Variants in KIAA1217 observed in about 807,000 individuals in gnomAD.
KIAA1217 encodes the protein KIAA1217.
Under a neutral mutation model 163.9 loss-of-function variants are expected in KIAA1217, and 88 were observed. The observed-to-expected ratio is 0.54, with a 90% CI of 0.45 to 0.64. KIAA1217 has a LOEUF of 0.64. Among genes scored for constraint, KIAA1217 ranks in the 30% least tolerant of loss-of-function variants. The pLI, the probability that KIAA1217 is intolerant of heterozygous loss-of-function variation, is 0.00. For synonymous variants in KIAA1217, 903 were observed against 923.1 expected (o/e 0.98, Z 0.39); for missense variants, 2,372 against 2,475.0 (o/e 0.96, Z 0.88).
At chr10:23,730,781 A>G (rs1333056608) in intron 1 of KIAA1217, among the ~76,000 whole-genome samples, 1 of 143,264 alleles carries the variant, frequency 7.0e-6, no homozygotes, top group Non-Finnish European at 1.5e-5. Context: ...TTTTAATCTC[A>G]AATTCTTTCT....
rs139262313 is a variant in KIAA1217, at chr10:24,189,478, A to G, written c.-170-30148A>G. On this transcript the variant is annotated intron_variant, in intron 2 of 18. Transcript: ENST00000376462. ...TTTTCTATCCCTTATCTTCCCCCCA[A>G]ACACACATGTGCACACACTTTTACC... 7.1e-3 allele frequency among the ~76,000 whole-genome samples: 1,075 copies of G among 152,282 alleles called. 9 individuals are homozygous for G. The highest frequency in any genetic ancestry group is 0.014 in the Middle Eastern group (4 of 294).
rs529811040 is a variant in KIAA1217, at chr10:23,766,134, C to A, written c.-321+70900C>A. On this transcript the variant is annotated intron_variant, in intron 1 of 18. Coordinates refer to the KIAA1217 transcript ENST00000376462. Reference sequence around the variant, plus strand: ...TCTCTAGGAGGTTTGCCTCAGATGACAAGTTGAAACTCATGTGTTCTAAAA... The same window carrying A: ...TCTCTAGGAGGTTTGCCTCAGATGAAAAGTTGAAACTCATGTGTTCTAAAA... 2.6e-5 allele frequency among the ~76,000 whole-genome samples: 4 copies of A among 152,310 alleles called. No homozygotes were observed. In the East Asian group the frequency reaches 5.8e-4, roughly 22 times the overall value.
chr10:23,783,424 G>A (rs1172334749), intron 1 of KIAA1217, among the ~76,000 whole-genome samples: 1 of 152,076 alleles, frequency 6.6e-6, no homozygotes, highest in Non-Finnish European at 1.5e-5. Flanking sequence ...GCTGACTCAT[G>A]GTGTATAATA....
At chr10:23,788,279 T>G (rs1835585245) in intron 1 of KIAA1217, among the ~76,000 whole-genome samples, 1 of 152,190 alleles carries the variant, frequency 6.6e-6, no homozygotes, top group African/African-American at 2.4e-5. Context: ...TTCAATTTGT[T>G]GATAGCCCAG....
At chr10:23,811,734 A>G (rs971334098) in intron 1 of KIAA1217, among the ~76,000 whole-genome samples, 1 of 151,974 alleles carries the variant, frequency 6.6e-6, no homozygotes, top group African/African-American at 2.4e-5. Flanking sequence ...GAGACACTCA[A>G]GAGGTGGAAT....
chr10:24,015,845 C>T lies in KIAA1217; in HGVS notation c.-171+8471C>T, dbSNP rs181647184. Among the ~76,000 whole-genome samples the T allele has an allele frequency of 3.3e-5, 5 of 151,810 alleles. No individual in the cohort carries two copies. The East Asian group carries it at 9.7e-4, about 30-fold the overall frequency. On this transcript the variant is annotated intron_variant, in intron 2 of 18. Transcript: ENST00000376462. Reference sequence around the variant, plus strand: ...TTCCATTTTAAGACCAGAACCTAGTCCTAAGGCCACAAAGTAACTTCAAAG... The same window carrying T: ...TTCCATTTTAAGACCAGAACCTAGTTCTAAGGCCACAAAGTAACTTCAAAG...
At chr10:24,320,569 G>A (rs2044008095) in intron 2 of KIAA1217, among the ~76,000 whole-genome samples, 1 of 152,332 alleles carries the variant, frequency 6.6e-6, no homozygotes, top group South Asian at 2.1e-4. Context: ...TAGCACCACA[G>A]CACCTATCTA....
At chr10:23,833,016 A>T (rs1181914791) in intron 1 of KIAA1217, among the ~76,000 whole-genome samples, 2 of 152,080 alleles carry the variant, frequency 1.3e-5, no homozygotes, top group Non-Finnish European at 2.9e-5. Flanking sequence ...GGTCCCTCCC[A>T]CAAGACATGG....
At chr10:24,069,912 T>TCTGATTTGAACTA (rs1262305670) in intron 2 of KIAA1217, among the ~76,000 whole-genome samples, 1 of 152,176 alleles carries the variant, frequency 6.6e-6, no homozygotes, top group Non-Finnish European at 1.5e-5. Flanking sequence ...CAATCATAGC[T>TCTGATTTGAACTA]CACTACAGCT....
chr10:23,772,481 A>C (rs183382954), intron 1 of KIAA1217, among the ~76,000 whole-genome samples: 1 of 152,348 alleles, frequency 6.6e-6, no homozygotes, highest in African/African-American at 2.4e-5. Flanking sequence ...CAACAAAAAA[A>C]GATCAGCTAA....
chr10:24,094,772 C>T (rs961201418), intron 2 of KIAA1217, among the ~76,000 whole-genome samples: 5 of 152,326 alleles, frequency 3.3e-5, no homozygotes, highest in Admixed American at 1.3e-4. Flanking sequence ...AGCTGTCAGA[C>T]AGGGACACTT....
intron 1 of KIAA1217, among the ~76,000 whole-genome samples, chr10:23,746,152 A>G (rs954874799): frequency 6.6e-6 from 1 of 152,156 alleles, no homozygotes; most frequent in Non-Finnish European, 1.5e-5. Context: ...GTGCCATCCA[A>G]GCAGTAATGA....
chr10:23,806,932 T>G (rs1345728726), intron 1 of KIAA1217, among the ~76,000 whole-genome samples: 2 of 152,242 alleles, frequency 1.3e-5, no homozygotes, highest in Non-Finnish European at 2.9e-5. Flanking sequence ...CACAATATCT[T>G]GGCCCATTAG....
chr10:24,232,610 G>A (rs1047667409), intron 2 of KIAA1217, among the ~76,000 whole-genome samples: 5 of 152,128 alleles, frequency 3.3e-5, no homozygotes, highest in Non-Finnish European at 5.9e-5. Context: ...AATTTTCAGT[G>A]TTGAGGGATC....
rs1433795814 is a variant in KIAA1217 at position 24,542,566 on chromosome 10, T to G, written c.3535-127T>G. 1.4e-5 allele frequency: 21 copies of G among 1,525,298 alleles called. No individual in the cohort carries two copies. The South Asian group carries it at 1.9e-4, about 14-fold the overall frequency. The allele number at this position is 1,525,298 out of a possible 1,614,324, so 94.5% of individuals were successfully genotyped here. A position where few individuals can be genotyped will look rare whatever the true frequency, so the allele number is the denominator to read the frequency against. On this transcript the variant is annotated intron_variant, in intron 17 of 20. Coordinates refer to ENST00000376454, the MANE Select transcript of KIAA1217 (RefSeq NM_019590.5). ...AGGTAAACAGCTGTAGGCTTTGGAT[T>G]GGTGTGTAAGAAATATGCGTGGCCC...
At chr10:23,744,370 GT>G (rs1205653484) in intron 1 of KIAA1217, among the ~76,000 whole-genome samples, 1 of 152,090 alleles carries the variant, frequency 6.6e-6, no homozygotes, top group Non-Finnish European at 1.5e-5. Flanking sequence ...AGATGTGTAG[GT>G]TACCTCTAGA....
At chr10:24,335,333 C>G (rs1163960734) in intron 2 of KIAA1217, among the ~76,000 whole-genome samples, 2 of 150,716 alleles carry the variant, frequency 1.3e-5, no homozygotes, top group East Asian at 3.9e-4. Flanking sequence ...GCTCTGTCAC[C>G]CAGGCTGGGA....
intron 2 of KIAA1217, among the ~76,000 whole-genome samples, chr10:24,265,947 T>C (rs910218294): frequency 1.3e-5 from 2 of 152,088 alleles, no homozygotes; most frequent in Non-Finnish European, 2.9e-5. Context: ...ACTCTAGATT[T>C]CCCTTTAAAG....
intron 2 of KIAA1217, among the ~76,000 whole-genome samples, chr10:24,290,865 G>T (rs2079025734): frequency 6.6e-6 from 1 of 152,066 alleles, no homozygotes; most frequent in Non-Finnish European, 1.5e-5. Flanking sequence ...GCCTCCCAAA[G>T]TGCTGGGATT....
Sources: gnomAD v4.1 joint callset for allele counts (sites outside exome capture counted in the v4.1 genomes callset) on GRCh38, gnomAD v4.1.1 for gene constraint, MANE v1.5 for transcripts, NCBI Gene and HGNC (gene_info 2026-07-23, HGNC 2026-07-21) for gene names.